Variants in RELN observed in about 807,000 individuals in gnomAD.
The protein encoded by RELN is reelin.
In RELN, 108 loss-of-function variants were observed where a neutral mutation model predicts 427.6. The ratio of observed to expected loss-of-function variants is 0.25; its 90% CI spans 0.22 to 0.30. RELN has a LOEUF of 0.30. Among genes scored for constraint, RELN ranks in the 10% least tolerant of loss-of-function variants. RELN has a pLI of 1.00. For missense variants in RELN, 3,715 were observed against 4,302.8 expected (o/e 0.86, Z 3.82); for synonymous variants, 1,524 against 1,513.4 (o/e 1.01, Z -0.16).
chr7:103,572,972 T>C (rs1368092093), intron 30 of RELN, among the ~76,000 whole-genome samples: 2 of 152,072 alleles, frequency 1.3e-5, no homozygotes, highest in African/African-American at 4.8e-5. Context: ...ACGTTAGGCA[T>C]TTGTTGCCCA....
Position 103,573,972 on chromosome 7 carries a change from T to A in RELN, c.4511+120A>T. 1 of 838,610 alleles carries A rather than the reference T, an allele frequency of 1.2e-6. No individual in the cohort carries two copies. Among genetic ancestry groups the A allele is most frequent in the Non-Finnish European group, 2.0e-6 (1 of 496,838 alleles). The allele number at this position is 838,610 out of a possible 1,614,324, so 51.9% of individuals were successfully genotyped here. A position where few individuals can be genotyped will look rare whatever the true frequency, so the allele number is the denominator to read the frequency against. On this transcript the variant is annotated intron_variant, in intron 30 of 64. Coordinates refer to ENST00000428762, the MANE Select transcript of RELN (RefSeq NM_005045.4). The surrounding 1 kb of genome is among the most constrained non-coding windows in gnomAD (Gnocchi z 4.4). ...TTATCTTCATTTTTACATATCATAA[T>A]CTATATACAGAAACATTATTGTATA...
At position 103,988,370 on chromosome 7, in the gene RELN, C is replaced by T. The variant is rs1797146246; in HGVS notation, c.226+761G>A. Among the ~76,000 whole-genome samples the T allele has an allele frequency of 6.6e-6, 1 of 151,918 alleles. No homozygotes were observed. Among genetic ancestry groups the T allele is most frequent in the East Asian group, 1.9e-4 (1 of 5,192 alleles). ...CATAATGATTCCATTTTTAAGATAC[C>T]TCTAAATTATAAGGGATTCCAGCCT... On this transcript the variant is annotated intron_variant, in intron 1 of 64. Coordinates refer to ENST00000428762, the MANE Select transcript of RELN (RefSeq NM_005045.4). The surrounding 1 kb of genome is among the most constrained non-coding windows in gnomAD (Gnocchi z 4.9).
chr7:103,975,404 T>G (rs1025845182), intron 1 of RELN, among the ~76,000 whole-genome samples: 1 of 152,128 alleles, frequency 6.6e-6, no homozygotes, highest in African/African-American at 2.4e-5. Flanking sequence ...TTTATACTGA[T>G]AGAGCACACA....
In RELN at chr7:103,989,321, G is replaced by A; in HGVS notation, c.36C>T (p.Leu12=). 2 of 1,588,292 alleles carry A rather than the reference G, an allele frequency of 1.3e-6. No individual in the cohort carries two copies. Among genetic ancestry groups the A allele is most frequent in the Non-Finnish European group, 1.7e-6 (2 of 1,162,702 alleles). ...GCGTCGCCCCCAGCAACAGCGCTAG[G>A]AGGAAAGTCTGCCGGGCCCAGCCAC... is the stretch of plus-strand genomic sequence containing the variant. ...ERSGWARQTF[L]LALLLGATLR... Residue 12 remains leucine, a synonymous_variant, in exon 1 of 65, where the codon CTC becomes CTT. Transcript: ENST00000428762. This position sits in a 1 kb window ranked among gnomAD's most constrained non-coding sequence, Gnocchi z 4.9.
chr7:103,859,638 T>A (rs39405), intron 2 of RELN, among the ~76,000 whole-genome samples: 34,873 of 152,178 alleles, frequency 0.23, 4,695 homozygotes, highest in Non-Finnish European at 0.3. Flanking sequence ...AAAGATAATA[T>A]AAATAGAATA....
rs559147620 is a variant in RELN at position 103,707,508 on chromosome 7, T to A, written c.806-6502A>T. 9.1e-4 allele frequency among the ~76,000 whole-genome samples: 138 copies of A among 151,880 alleles called. 1 individual carries two copies. Among genetic ancestry groups the A allele is most frequent in the African/African-American group, 3.3e-3 (135 of 41,472 alleles). ...GCAAATCTATTTCTTTCTTTTCTTT[T>A]TTTTTTTTTGAGATGGAGTCTCGCT... is the stretch of plus-strand genomic sequence containing the variant. On this transcript the variant is annotated intron_variant, in intron 8 of 64. Transcript: ENST00000428762.
chr7:103,924,454 A>G (rs544321137), intron 1 of RELN, among the ~76,000 whole-genome samples: 106 of 152,270 alleles, frequency 7.0e-4, no homozygotes, highest in Admixed American at 2.0e-3. Flanking sequence ...TCTGAAAGCA[A>G]GCGGAGAATG....
At chr7:103,734,267 T>C (rs1790436115) in intron 6 of RELN, among the ~76,000 whole-genome samples, 1 of 152,200 alleles carries the variant, frequency 6.6e-6, no homozygotes, top group Non-Finnish European at 1.5e-5. Flanking sequence ...AACAGACTTC[T>C]GTTGTTCAAT....
At chr7:103,761,448 T>C (rs1004496908) in intron 4 of RELN, among the ~76,000 whole-genome samples, 1 of 152,204 alleles carries the variant, frequency 6.6e-6, no homozygotes, top group Non-Finnish European at 1.5e-5. Context: ...GGTACATTTT[T>C]ATTTTTATAT....
At chr7:103,815,999 GA>G (rs1327728631) in intron 3 of RELN, among the ~76,000 whole-genome samples, 2 of 151,928 alleles carry the variant, frequency 1.3e-5, no homozygotes, top group South Asian at 2.1e-4. Context: ...CTCTAAAATA[GA>G]AAAAAAAGGC....
chr7:103,839,066 G>A lies in RELN; in HGVS notation c.338-5394C>T, dbSNP rs568602692. Among the ~76,000 whole-genome samples, 5 of 152,260 alleles carry A rather than the reference G, an allele frequency of 3.3e-5. No individual in the cohort carries two copies. The South Asian group carries it at 1.0e-3, about 32-fold the overall frequency. On this transcript the variant is annotated intron_variant, in intron 2 of 64. Coordinates refer to ENST00000428762, the MANE Select transcript of RELN (RefSeq NM_005045.4). ...AATTCTAATGTCTAGCCAATAATTT[G>A]CATTAGAAATGTGCCTTAGTAAAAT...
At chr7:103,972,204 G>T (rs1796777752) in intron 1 of RELN, among the ~76,000 whole-genome samples, 1 of 152,190 alleles carries the variant, frequency 6.6e-6, no homozygotes, top group African/African-American at 2.4e-5. Context: ...ACTAAACAAA[G>T]GTGTAGCTCT....
chr7:103,910,365 C>T (rs1795336893), intron 2 of RELN, among the ~76,000 whole-genome samples: 1 of 149,494 alleles, frequency 6.7e-6, no homozygotes, highest in African/African-American at 2.5e-5. Context: ...CAAACAGGGA[C>T]AATTTGATTT....
At chr7:103,559,046 A>G (rs1285025151) in intron 36 of RELN, among the ~76,000 whole-genome samples, 2 of 152,250 alleles carry the variant, frequency 1.3e-5, no homozygotes, top group Non-Finnish European at 1.5e-5. Context: ...GTGCCTATAC[A>G]TGCTGGGTGC....
intron 2 of RELN, among the ~76,000 whole-genome samples, chr7:103,882,282 C>T (rs1184143991): frequency 1.3e-5 from 2 of 152,130 alleles, no homozygotes; most frequent in African/African-American, 2.4e-5. Flanking sequence ...TGTGTCCCTG[C>T]TCTTTAACCT....
intron 8 of RELN, among the ~76,000 whole-genome samples, chr7:103,703,026 T>G (rs1325676467): frequency 6.6e-6 from 1 of 151,752 alleles, no homozygotes; most frequent in African/African-American, 2.4e-5. Flanking sequence ...CATAAAAAGA[T>G]GACCAAAAAG....
rs74626055 is a variant in RELN, at chr7:103,824,956, C to A, written c.473+8581G>T. ...TTGGATCAAAACACACCTGTCTTTG[C>A]GAGTTTTTGAAGCTCTTGCTTCAAA... On this transcript the variant is annotated intron_variant, in intron 3 of 64. Coordinates refer to ENST00000428762, the MANE Select transcript of RELN (RefSeq NM_005045.4). This position sits in a 1 kb window ranked among gnomAD's most constrained non-coding sequence, Gnocchi z 4.4. 0.095 allele frequency among the ~76,000 whole-genome samples: 14,300 copies of A among 150,490 alleles called. 831 individuals are homozygous for A. The highest frequency in any genetic ancestry group is 0.13 in the Non-Finnish European group (8,776 of 67,464).
At chr7:103,859,028 T>A (rs1307979144) in intron 2 of RELN, among the ~76,000 whole-genome samples, 1 of 152,182 alleles carries the variant, frequency 6.6e-6, no homozygotes, top group Non-Finnish European at 1.5e-5. Context: ...CTGTGAACAG[T>A]CATTGGAGAA....
chr7:103,660,733 A>T (rs954119341), intron 12 of RELN, among the ~76,000 whole-genome samples: 1 of 152,162 alleles, frequency 6.6e-6, no homozygotes, highest in African/African-American at 2.4e-5. Flanking sequence ...ACATTTCTGG[A>T]ATGACATCAG....
Sources: allele counts gnomAD v4.1 joint callset (sites outside exome capture counted in the v4.1 genomes callset), GRCh38; gene constraint gnomAD v4.1.1; non-coding constraint Gnocchi (gnomAD v3.1); transcripts MANE v1.5; gene names NCBI Gene and HGNC (gene_info 2026-07-23, HGNC 2026-07-21).